ATXN10: variants seen among roughly 807,000 people sequenced by gnomAD.
The protein encoded by ATXN10 is ataxin-10.
Under a neutral mutation model 52.9 loss-of-function variants are expected in ATXN10, and 28 were observed. That is an observed-to-expected ratio of 0.53 (90% confidence interval 0.39 to 0.73). The LOEUF is 0.73. Ranked by LOEUF, ATXN10 falls within the 30% of genes least tolerant of loss-of-function variation. The pLI is 0.00. For missense variants in ATXN10, 565 were observed against 577.0 expected (o/e 0.98, Z 0.21); for synonymous variants, 226 against 221.5 (o/e 1.02, Z -0.18).
At chr22:45,834,376 TAA>T (rs1168227166) in intron 10 of ATXN10, among the ~76,000 whole-genome samples, 2 of 152,168 alleles carry the variant, frequency 1.3e-5, no homozygotes, top group Non-Finnish European at 2.9e-5. Context: ...CTCCCATTCA[TAA>T]ATCCCCTATC....
Position 45,844,887 on chromosome 22 carries a change from T to C in ATXN10, c.*1216T>C, listed in dbSNP as rs879778313. The C allele has an allele frequency of 1.3e-5, 2 of 152,260 alleles. No individual in the cohort carries two copies. The highest frequency in any genetic ancestry group is 6.5e-5 in the Admixed American group (1 of 15,290). The allele number at this position is 152,260 out of a possible 1,614,324, so 9.4% of individuals were successfully genotyped here. On this transcript the variant is annotated 3_prime_UTR_variant, in exon 12 of 12. Coordinates refer to ENST00000252934, the MANE Select transcript of ATXN10 (RefSeq NM_013236.4). ...TTTGTGTAGACATAGTTTAACTGAT[T>C]TGTAAAAATAGCTTAAGCATGTTGA...
In ATXN10 at chr22:45,843,591, GT is replaced by G; in HGVS notation, c.1426-72del. 6.9e-7 allele frequency: 1 copy of G among 1,450,020 alleles called. No homozygotes were observed. Among genetic ancestry groups the G allele is most frequent in the Admixed American group, 1.7e-5 (1 of 57,198 alleles). 89.8% of individuals were successfully genotyped at this position (1,450,020 alleles called of 1,614,324 possible). A position where few individuals can be genotyped will look rare whatever the true frequency, so the allele number is the denominator to read the frequency against. ...TTGTCACCACTGACCAAAGTTCTGG[GT>G]TTTTTCCCCTTTTGTCTGATGAATC... On this transcript the variant is annotated intron_variant, in intron 11 of 11. Transcript: ENST00000252934. The surrounding 1 kb of genome is among the most constrained non-coding windows in gnomAD (Gnocchi z 4.5).
At chr22:45,706,919 T>G (rs7292151) in intron 5 of ATXN10, among the ~76,000 whole-genome samples, 5,657 of 152,318 alleles carry the variant, frequency 0.037, 122 homozygotes, top group Non-Finnish European at 0.04. Flanking sequence ...TTAAATCTTC[T>G]GTTTTCTTGC....
At position 45,774,887 on chromosome 22, in the gene ATXN10, C is replaced by T. The variant is rs181764926; in HGVS notation, c.1174-32072C>T. On this transcript the variant is annotated intron_variant, in intron 9 of 11. Transcript: ENST00000252934. The surrounding 1 kb of genome is among the most constrained non-coding windows in gnomAD (Gnocchi z 6.2). The stretch of plus-strand genomic sequence containing the variant: ...GGTGGAGGTGGCAGGCTGCAGTGAG[C>T]CAAGATCACGCCAGTGCACGCCAGC... Among the ~76,000 whole-genome samples, 345 of 152,272 alleles carry T rather than the reference C, an allele frequency of 2.3e-3. 3 individuals are homozygous for T. The highest frequency in any genetic ancestry group is 8.0e-3 in the African/African-American group (333 of 41,540).
chr22:45,771,570 C>T (rs1926780737), intron 9 of ATXN10, among the ~76,000 whole-genome samples: 2 of 151,994 alleles, frequency 1.3e-5, no homozygotes, highest in South Asian at 4.2e-4. Flanking sequence ...GCACGCACCA[C>T]CACACCCAGC....
rs552425820 is a variant in ATXN10, at chr22:45,705,678, C to T, written c.647+2831C>T. 2.0e-5 allele frequency among the ~76,000 whole-genome samples: 3 copies of T among 152,172 alleles called. No homozygotes were observed. The highest frequency in any genetic ancestry group is 4.4e-5 in the Non-Finnish European group (3 of 68,034). ...ATTGAACTCCTAATCTCATGAGCCA[C>T]CTGCCTCAGCCTCCCAAAGTGCTGG... On this transcript the variant is annotated intron_variant, in intron 5 of 11. Coordinates refer to ENST00000252934, the MANE Select transcript of ATXN10 (RefSeq NM_013236.4). The surrounding 1 kb of genome is among the most constrained non-coding windows in gnomAD (Gnocchi z 5.2).
intron 6 of ATXN10, among the ~76,000 whole-genome samples, chr22:45,724,046 GTA>G (rs138159): frequency 0.99 from 149,620 of 151,358 alleles, 73,955 homozygotes; most frequent in African/African-American, 1. Flanking sequence ...ATTCCATTGT[GTA>G]TATATATATA....
chr22:45,739,351 A>C (rs1301552729), intron 8 of ATXN10, among the ~76,000 whole-genome samples: 1 of 152,222 alleles, frequency 6.6e-6, no homozygotes, highest in East Asian at 1.9e-4. Context: ...TTGCAAAATA[A>C]TTCAAGTAGA....
rs1569023815 is a variant in ATXN10, at chr22:45,689,731, A to G, written c.136A>G (p.Ile46Val). The G allele has an allele frequency of 3.1e-6, 5 of 1,614,092 alleles. No individual in the cohort carries two copies. The highest frequency in any genetic ancestry group is 2.2e-5 in the East Asian group (1 of 44,876). ...TTTCAGAGAAACAGCACCCAGGACT[A>G]TCTTCCAAAGAGTTCTGGATATCCT... ...QRNRETAPRTIFQRVLDILKK... is the reference protein window; with the variant it reads ...QRNRETAPRTVFQRVLDILKK... Residue 46 changes from isoleucine to valine, a missense_variant, in exon 2 of 12, where the codon ATC becomes GTC. Ile to Val is a conservative substitution (Grantham distance 29, BLOSUM62 3). Coordinates refer to ENST00000252934, the MANE Select transcript of ATXN10 (RefSeq NM_013236.4).
chr22:45,790,572 G>A lies in ATXN10; in HGVS notation c.1174-16387G>A, dbSNP rs136000. ...TTCATTTCTGCTTCAGCAGATTTCA[G>A]TTAGTCTCTGACAGTTGGGGGGCTA... On this transcript the variant is annotated intron_variant, in intron 9 of 11. Coordinates refer to ENST00000252934, the MANE Select transcript of ATXN10 (RefSeq NM_013236.4). The surrounding 1 kb of genome is among the most constrained non-coding windows in gnomAD (Gnocchi z 4.7). Among the ~76,000 whole-genome samples the A allele has an allele frequency of 0.86, 131,077 of 152,212 alleles. 56,681 individuals are homozygous for A. Among genetic ancestry groups the A allele is most frequent in the African/African-American group, 0.94 (39,121 of 41,562 alleles).
At chr22:45,792,403 G>A (rs1927545260) in intron 9 of ATXN10, 1 of 152,522 alleles carries the variant, frequency 6.6e-6, no homozygotes, top group South Asian at 2.1e-4. Context: ...TTTTAGTAGT[G>A]AGCTCTCTAG....
At position 45,784,714 on chromosome 22, in the gene ATXN10, A is replaced by G. The variant is rs1008528821; in HGVS notation, c.1174-22245A>G. ...TCATGGCTATTCTTACACATTCCAG[A>G]TAGTCATTCTGAGGGCTGCTGTGTG... is the stretch of plus-strand genomic sequence containing the variant. On this transcript the variant is annotated intron_variant, in intron 9 of 11. Coordinates refer to ENST00000252934, the MANE Select transcript of ATXN10 (RefSeq NM_013236.4). This position sits in a 1 kb window ranked among gnomAD's most constrained non-coding sequence, Gnocchi z 4.2. 2.0e-5 allele frequency among the ~76,000 whole-genome samples: 3 copies of G among 152,192 alleles called. No homozygotes were observed. The highest frequency in any genetic ancestry group is 1.9e-4 in the East Asian group (1 of 5,194).
At chr22:45,785,187 G>C (rs537042481) in intron 9 of ATXN10, among the ~76,000 whole-genome samples, 1 of 152,152 alleles carries the variant, frequency 6.6e-6, no homozygotes, top group African/African-American at 2.4e-5. Flanking sequence ...GTCATGTCTT[G>C]TGGTACTTTC....
rs1255038351 is a variant in ATXN10, at chr22:45,840,043, G to T, written c.1238-2948G>T. Among the ~76,000 whole-genome samples the T allele has an allele frequency of 1.3e-5, 2 of 152,254 alleles. No homozygotes were observed. Among genetic ancestry groups the T allele is most frequent in the African/African-American group, 4.8e-5 (2 of 41,464 alleles). ...TTGGTCTTGTTGTGAGGAGTTCACAGTGCATTAGAGTATACAGAAATACAA... is the reference window on the plus strand; with the variant it reads ...TTGGTCTTGTTGTGAGGAGTTCACATTGCATTAGAGTATACAGAAATACAA... On this transcript the variant is annotated intron_variant, in intron 10 of 11. Coordinates refer to ENST00000252934, the MANE Select transcript of ATXN10 (RefSeq NM_013236.4). The surrounding 1 kb of genome is among the most constrained non-coding windows in gnomAD (Gnocchi z 5.8).
chr22:45,687,842 C>G (rs537448200), intron 1 of ATXN10, among the ~76,000 whole-genome samples: 2 of 152,264 alleles, frequency 1.3e-5, no homozygotes, highest in Non-Finnish European at 2.9e-5. Context: ...AGGCAGATCA[C>G]GAGATCGGGA....
chr22:45,713,148 G>A (rs974691062), intron 5 of ATXN10, among the ~76,000 whole-genome samples: 15 of 151,984 alleles, frequency 9.9e-5, no homozygotes, highest in African/African-American at 1.9e-4. Flanking sequence ...TGAGGAGTTC[G>A]CCTTTCGCTG....
rs1267979632 is a variant in ATXN10, at chr22:45,712,005, A to G, written c.648-6408A>G. Among the ~76,000 whole-genome samples, 2 of 152,256 alleles carry G rather than the reference A, an allele frequency of 1.3e-5. No homozygotes were observed. The highest frequency in any genetic ancestry group is 2.9e-5 in the Non-Finnish European group (2 of 68,050). ...TATGGAATACTTTAGAATATAAAAA[A>G]AAGTTTCTTCTGTAAACATTGACTG... On this transcript the variant is annotated intron_variant, in intron 5 of 11. Transcript: ENST00000252934. This position sits in a 1 kb window ranked among gnomAD's most constrained non-coding sequence, Gnocchi z 4.6.
chr22:45,793,116 A>G (rs1927573324), intron 9 of ATXN10: 1 of 210,148 alleles, frequency 4.8e-6, no homozygotes, highest in Non-Finnish European at 1.0e-5. Flanking sequence ...TTAAAATTCA[A>G]AAACAATTGT....
intron 9 of ATXN10, among the ~76,000 whole-genome samples, chr22:45,794,976 G>A (rs1927657458): frequency 6.6e-6 from 1 of 152,130 alleles, no homozygotes; most frequent in South Asian, 2.1e-4. Context: ...TATATTAGGG[G>A]ATTTTTAATG....
Sources: gnomAD v4.1 joint callset for allele counts (sites outside exome capture counted in the v4.1 genomes callset) on GRCh38, gnomAD v4.1.1 for gene constraint, Gnocchi (gnomAD v3.1) non-coding constraint, MANE v1.5 for transcripts, NCBI Gene and HGNC (gene_info 2026-07-23, HGNC 2026-07-21) for gene names.